Variants in PRKN observed in about 807,000 individuals in gnomAD.
PRKN encodes parkin RBR E3 ubiquitin protein ligase.
Under a neutral mutation model 59.5 loss-of-function variants are expected in PRKN, and 56 were observed. The observed-to-expected ratio is 0.94, with a 90% CI of 0.76 to 1.18. PRKN has a LOEUF of 1.18. Among genes scored for constraint, PRKN ranks in the 50% most tolerant of loss-of-function variants. The pLI is 0.00. For missense variants in PRKN, 657 were observed against 596.4 expected, an observed-to-expected ratio of 1.10 and a Z score of -1.06; for synonymous variants, 250 against 222.1, an observed-to-expected ratio of 1.13 and a Z score of -1.12.
chr6:162,144,526 C>CG (rs1164802494), intron 4 of PRKN, among the ~76,000 whole-genome samples: 1 of 152,080 alleles, frequency 6.6e-6, no homozygotes, highest in Non-Finnish European at 1.5e-5. Flanking sequence ...TATGGTGCTC[C>CG]GAGCCTTCCT....
intron 1 of PRKN, among the ~76,000 whole-genome samples, chr6:162,620,956 G>A (rs1024034495): frequency 6.6e-6 from 1 of 152,180 alleles, no homozygotes; most frequent in African/African-American, 2.4e-5. Context: ...TGAAGACACT[G>A]CTTTGATAGC....
At chr6:162,426,851 C>A (rs898169247) in intron 2 of PRKN, among the ~76,000 whole-genome samples, 10 of 152,292 alleles carry the variant, frequency 6.6e-5, no homozygotes, top group Admixed American at 5.9e-4. Context: ...AAATCATAAA[C>A]AAAGATGAAG....
intron 1 of PRKN, among the ~76,000 whole-genome samples, chr6:162,585,793 C>A (rs964531856): frequency 2.7e-5 from 4 of 150,090 alleles, no homozygotes; most frequent in African/African-American, 9.8e-5. Context: ...ACCTCCACCT[C>A]CTGGGTCGAA....
At chr6:161,469,563 G>GAGAGAGAA (rs1177928391) in intron 9 of PRKN, among the ~76,000 whole-genome samples, 4 of 151,758 alleles carry the variant, frequency 2.6e-5, no homozygotes, top group African/African-American at 9.7e-5. Context: ...GAGAGAGAGA[G>GAGAGAGAA]AGAGAGAGAA....
At chr6:161,780,908 G>A (rs1320456472) in intron 7 of PRKN, among the ~76,000 whole-genome samples, 2 of 152,172 alleles carry the variant, frequency 1.3e-5, no homozygotes, top group African/African-American at 4.8e-5. Flanking sequence ...GCATAATATA[G>A]GGAAACATTG....
intron 5 of PRKN, among the ~76,000 whole-genome samples, chr6:161,974,646 C>T (rs1780955333): frequency 6.6e-6 from 1 of 151,966 alleles, no homozygotes; most frequent in African/African-American, 2.4e-5. Context: ...ATACTAACAT[C>T]TGTGAAGCTA....
chr6:161,516,826 C>CAAAAAAAAAAAAAAA (rs369136348), intron 9 of PRKN, among the ~76,000 whole-genome samples: 86 of 63,002 alleles, frequency 1.4e-3, no homozygotes, highest in South Asian at 1.9e-3. Flanking sequence ...GACTCAATCT[C>CAAAAAAAAAAAAAAA]AAAAAAAAAA....
chr6:162,308,112 T>C (rs1411356864), intron 2 of PRKN, among the ~76,000 whole-genome samples: 1 of 152,156 alleles, frequency 6.6e-6, no homozygotes, highest in Non-Finnish European at 1.5e-5. Flanking sequence ...CCGTCACTGC[T>C]ACCAGGAACC....
At chr6:162,541,113 A>G (rs1778909311) in intron 1 of PRKN, among the ~76,000 whole-genome samples, 2 of 152,192 alleles carry the variant, frequency 1.3e-5, no homozygotes, top group South Asian at 4.1e-4. Flanking sequence ...GTTTTCAAAC[A>G]CGGAGTCCCT....
chr6:162,649,942 GAC>G (rs1778353059), intron 1 of PRKN, among the ~76,000 whole-genome samples: 1 of 152,090 alleles, frequency 6.6e-6, no homozygotes, highest in Non-Finnish European at 1.5e-5. Context: ...TTGAAGAAAA[GAC>G]AGAAATCTGA....
intron 7 of PRKN, among the ~76,000 whole-genome samples, chr6:161,602,018 T>C (rs577870744): frequency 6.6e-6 from 1 of 152,338 alleles, no homozygotes; most frequent in African/African-American, 2.4e-5. Context: ...TGAAGTAAAA[T>C]AATTCGTATC....
intron 6 of PRKN, among the ~76,000 whole-genome samples, chr6:161,908,265 C>A (rs966059220): frequency 6.6e-6 from 1 of 152,148 alleles, no homozygotes; most frequent in Middle Eastern, 3.2e-3. Context: ...GGTACATGGA[C>A]GATACCTAGA....
rs530262752 is a variant in PRKN at position 162,644,483 on chromosome 6, T to G, written c.7+83179A>C. On this transcript the variant is annotated intron_variant, in intron 1 of 11. Coordinates refer to ENST00000366898, the MANE Select transcript of PRKN (RefSeq NM_004562.3). ...AGCCCGCACAGACCTAATCCCTCCC[T>G]GGGAGAATATGTATCTGCAGCCTAA... Among the ~76,000 whole-genome samples the G allele has an allele frequency of 5.3e-5, 8 of 152,334 alleles. No individual in the cohort carries two copies. In the East Asian group the frequency reaches 1.5e-3, roughly 29 times the overall value.
intron 3 of PRKN, among the ~76,000 whole-genome samples, chr6:162,203,825 G>C (rs1784832021): frequency 6.6e-6 from 1 of 152,116 alleles, no homozygotes; most frequent in Non-Finnish European, 1.5e-5. Context: ...GCAGCTTCTT[G>C]ATTATCCCAA....
At chr6:161,889,198 G>T (rs748017479) in intron 6 of PRKN, among the ~76,000 whole-genome samples, 50 of 152,050 alleles carry the variant, frequency 3.3e-4, no homozygotes, top group Admixed American at 1.7e-3. Flanking sequence ...AGAGATGTGG[G>T]GTATCTGAGG....
intron 4 of PRKN, among the ~76,000 whole-genome samples, chr6:162,128,241 G>A (rs1211390159): frequency 2.6e-5 from 4 of 152,152 alleles, no homozygotes; most frequent in Non-Finnish European, 5.9e-5. Flanking sequence ...CAGAAAATAT[G>A]TAGATGTCAA....
At chr6:161,449,948 C>G (rs7745686) in intron 9 of PRKN, among the ~76,000 whole-genome samples, 47,656 of 151,994 alleles carry the variant, frequency 0.31, 8,168 homozygotes, top group African/African-American at 0.45. Context: ...CCAGAGCCAA[C>G]GGTGCCTGCC....
At chr6:161,975,967 G>A (rs1562432296) in intron 5 of PRKN, among the ~76,000 whole-genome samples, 1 of 152,038 alleles carries the variant, frequency 6.6e-6, no homozygotes, top group Non-Finnish European at 1.5e-5. Flanking sequence ...ATGCATTAGT[G>A]CAGTCTTGGC....
intron 2 of PRKN, among the ~76,000 whole-genome samples, chr6:162,381,704 G>A (rs748109308): frequency 6.6e-6 from 1 of 152,076 alleles, no homozygotes; most frequent in Non-Finnish European, 1.5e-5. Flanking sequence ...AAAATGATAT[G>A]TTTTTACCAT....
Sources: allele counts gnomAD v4.1 joint callset (sites outside exome capture counted in the v4.1 genomes callset), GRCh38; gene constraint gnomAD v4.1.1; transcripts MANE v1.5; gene names NCBI Gene and HGNC (gene_info 2026-07-23, HGNC 2026-07-21).